Variants in ARHGAP42 observed in about 807,000 individuals in gnomAD.
ARHGAP42 encodes the protein rho GTPase-activating protein 42.
Under a neutral mutation model 125.0 loss-of-function variants are expected in ARHGAP42, and 63 were observed. The observed-to-expected ratio is 0.50, with a 90% CI of 0.41 to 0.62. The LOEUF is 0.62. ARHGAP42 is among the 20% of genes least tolerant of loss of function. The pLI is 0.00. For synonymous variants in ARHGAP42, 339 were observed against 351.0 expected (o/e 0.97, Z 0.38); for missense variants, 766 against 1,024.2 (o/e 0.75, Z 3.44).
chr11:100,719,819 C>T (rs1861729507), intron 1 of ARHGAP42, among the ~76,000 whole-genome samples: 1 of 152,234 alleles, frequency 6.6e-6, no homozygotes, highest in South Asian at 2.1e-4. Flanking sequence ...AGCCCCTTCA[C>T]ACATTCATAG....
intron 1 of ARHGAP42, 78 bp from the exon 2 acceptor site, chr11:100,770,265 A>G: frequency 2.1e-6 from 2 of 945,746 alleles, no homozygotes; most frequent in Admixed American, 5.4e-5. Flanking sequence ...TCAAAGTTAT[A>G]TAATTTTACA....
At chr11:100,702,928 C>T (rs1207561321) in intron 1 of ARHGAP42, among the ~76,000 whole-genome samples, 1 of 142,650 alleles carries the variant, frequency 7.0e-6, no homozygotes, top group Non-Finnish European at 1.5e-5. Flanking sequence ...TCCCAAAGTG[C>T]GGGGATTACA....
intron 1 of ARHGAP42, among the ~76,000 whole-genome samples, chr11:100,696,395 C>G (rs2120183565): frequency 6.6e-6 from 1 of 151,712 alleles, no homozygotes; most frequent in South Asian, 2.1e-4. Flanking sequence ...CTCTTGCTGC[C>G]CAGGCTGGAG....
chr11:100,885,778 G>A (rs1032494792), intron 4 of ARHGAP42, among the ~76,000 whole-genome samples: 7 of 152,092 alleles, frequency 4.6e-5, no homozygotes, highest in Non-Finnish European at 8.8e-5. Context: ...ATATATGAAT[G>A]CAACTGCAAG....
At chr11:100,928,098 C>A (rs1302734647) in intron 6 of ARHGAP42, among the ~76,000 whole-genome samples, 1 of 152,118 alleles carries the variant, frequency 6.6e-6, no homozygotes, top group Non-Finnish European at 1.5e-5. Flanking sequence ...TTCCTCCAGG[C>A]AGGGAATTGC....
intron 3 of ARHGAP42, among the ~76,000 whole-genome samples, chr11:100,847,750 A>T (rs570366284): frequency 6.6e-6 from 1 of 152,280 alleles, no homozygotes; most frequent in Non-Finnish European, 1.5e-5. Flanking sequence ...ATATAGTGCC[A>T]TTCACTGAGA....
At chr11:100,824,161 A>G (rs1039568694) in intron 3 of ARHGAP42, among the ~76,000 whole-genome samples, 4 of 152,172 alleles carry the variant, frequency 2.6e-5, no homozygotes, top group Non-Finnish European at 5.9e-5. Flanking sequence ...GCATGTGGGT[A>G]GTAGCCTCTG....
chr11:100,926,486 T>G (rs1867427197), intron 6 of ARHGAP42, among the ~76,000 whole-genome samples: 1 of 152,244 alleles, frequency 6.6e-6, no homozygotes, highest in Admixed American at 6.5e-5. Flanking sequence ...GTAGTTATAT[T>G]AATTCCTTAA....
chr11:100,754,216 G>C (rs1862524357), intron 1 of ARHGAP42, among the ~76,000 whole-genome samples: 1 of 152,118 alleles, frequency 6.6e-6, no homozygotes, highest in Non-Finnish European at 1.5e-5. Flanking sequence ...TAACTATAGT[G>C]GTTTTATCTG....
chr11:100,808,563 G>A (rs898954165), intron 3 of ARHGAP42, among the ~76,000 whole-genome samples: 2 of 150,950 alleles, frequency 1.3e-5, no homozygotes, highest in Admixed American at 1.3e-4. Context: ...CCGCCACCGC[G>A]CCCGGCTAAT....
At chr11:100,734,486 G>T (rs1462032503) in intron 1 of ARHGAP42, among the ~76,000 whole-genome samples, 1 of 151,636 alleles carries the variant, frequency 6.6e-6, no homozygotes, top group Non-Finnish European at 1.5e-5. Context: ...TCTCCATGTT[G>T]GTCAGGCTGG....
At chr11:100,841,851 C>G (rs1169066103) in intron 3 of ARHGAP42, among the ~76,000 whole-genome samples, 2 of 152,120 alleles carry the variant, frequency 1.3e-5, no homozygotes, top group African/African-American at 2.4e-5. Flanking sequence ...TTCAGTGCCC[C>G]CTACTGCCGT....
chr11:100,841,518 C>T (rs913829888), intron 3 of ARHGAP42, among the ~76,000 whole-genome samples: 18 of 152,214 alleles, frequency 1.2e-4, no homozygotes, highest in African/African-American at 4.3e-4. Flanking sequence ...AATTTTCATC[C>T]TTTATTGTTA....
chr11:100,745,140 G>A (rs943993070), intron 1 of ARHGAP42, among the ~76,000 whole-genome samples: 2 of 152,212 alleles, frequency 1.3e-5, no homozygotes, highest in Non-Finnish European at 2.9e-5. Flanking sequence ...ATAAGTCAGG[G>A]TGGAGAAGGT....
rs140838138 is a variant in ARHGAP42 at position 100,964,338 on chromosome 11, T to G, written c.1445-1333T>G. On this transcript the variant is annotated intron_variant, in intron 16 of 23. Coordinates refer to ENST00000298815, the MANE Select transcript of ARHGAP42 (RefSeq NM_152432.4). ...TACTGTATTTCTATCATTCTCACTT[T>G]CCTTCCCAGTCAGATTTTCTTGGAG... 3.7e-3 allele frequency among the ~76,000 whole-genome samples: 559 copies of G among 152,310 alleles called. 11 individuals carry two copies. Among genetic ancestry groups the G allele is most frequent in the Admixed American group, 0.033 (508 of 15,296 alleles).
chr11:100,716,235 G>C (rs75950317), intron 1 of ARHGAP42, among the ~76,000 whole-genome samples: 4,051 of 152,202 alleles, frequency 0.027, 68 homozygotes, highest in Non-Finnish European at 0.031. Context: ...TGGGTCCTTG[G>C]GGGTGCAGAA....
intron 4 of ARHGAP42, among the ~76,000 whole-genome samples, chr11:100,900,912 T>C (rs776893391): frequency 2.6e-5 from 4 of 152,176 alleles, no homozygotes; most frequent in Admixed American, 6.5e-5. Context: ...AATCATTCTC[T>C]GTCCAGCTTT....
intron 3 of ARHGAP42, among the ~76,000 whole-genome samples, chr11:100,825,024 T>C (rs1864483050): frequency 6.6e-6 from 1 of 152,170 alleles, no homozygotes; most frequent in Non-Finnish European, 1.5e-5. Context: ...TATGGTGCAT[T>C]CATCACAAGG....
chr11:100,711,127 GT>G (rs1288587289), intron 1 of ARHGAP42, among the ~76,000 whole-genome samples: 1 of 152,218 alleles, frequency 6.6e-6, no homozygotes, highest in African/African-American at 2.4e-5. Flanking sequence ...CTGGTGATCA[GT>G]TGCCAAATTG....
Sources: gnomAD v4.1 joint callset for allele counts (sites outside exome capture counted in the v4.1 genomes callset) on GRCh38, gnomAD v4.1.1 for gene constraint, MANE v1.5 for transcripts, NCBI Gene and HGNC (gene_info 2026-07-23, HGNC 2026-07-21) for gene names.